Variants in UST observed in about 807,000 individuals in gnomAD.
UST encodes chondroitin sulfate 2-O-sulfotransferase.
In UST, 21 loss-of-function variants were observed where a neutral mutation model predicts 45.6. The observed-to-expected ratio is 0.46, with a 90% CI of 0.33 to 0.66. The LOEUF (loss-of-function observed/expected upper bound fraction) is 0.66. Among genes scored for constraint, UST ranks in the 30% least tolerant of loss-of-function variants. The pLI, the probability that UST is intolerant of heterozygous loss-of-function variation, is 0.02. For missense variants in UST, 463 were observed against 512.4 expected (o/e 0.90, Z 0.93); for synonymous variants, 215 against 200.6 (o/e 1.07, Z -0.61).
intron 1 of UST, among the ~76,000 whole-genome samples, chr6:148,784,049 G>A (rs183951132): frequency 6.6e-6 from 1 of 151,890 alleles, no homozygotes; most frequent in Admixed American, 6.6e-5. Flanking sequence ...TGTAATTTAC[G>A]GCATATCACG....
At chr6:148,878,279 C>T (rs1408481471) in intron 1 of UST, among the ~76,000 whole-genome samples, 2 of 32,188 alleles carry the variant, frequency 6.2e-5, no homozygotes, top group African/African-American at 1.4e-4. Flanking sequence ...TGTATGAGTA[C>T]GGGGGATCAT....
At chr6:148,844,370 A>G (rs539348333) in intron 1 of UST, among the ~76,000 whole-genome samples, 1 of 152,212 alleles carries the variant, frequency 6.6e-6, no homozygotes, top group African/African-American at 2.4e-5. Flanking sequence ...TCAAAGATGC[A>G]GTAGGAACCC....
At chr6:148,895,100 G>A (rs950130067) in intron 2 of UST, among the ~76,000 whole-genome samples, 17 of 152,210 alleles carry the variant, frequency 1.1e-4, no homozygotes, top group African/African-American at 3.9e-4. Flanking sequence ...ACAGGCATGA[G>A]CCACTGCGCC....
intron 2 of UST, 59 bp from the exon 3 acceptor site, chr6:148,941,220 A>G: frequency 6.3e-7 from 1 of 1,585,822 alleles, no homozygotes; most frequent in African/African-American, 1.4e-5. Flanking sequence ...AATTGAGGGA[A>G]GAATCCTAAG....
intron 4 of UST, among the ~76,000 whole-genome samples, chr6:148,958,183 G>A (rs942477656): frequency 2.7e-5 from 4 of 150,588 alleles, no homozygotes; most frequent in African/African-American, 5.0e-5. Flanking sequence ...GACCTACTTC[G>A]TTTTTTTTCA....
In UST at chr6:149,074,271, G is replaced by C; in HGVS notation, c.*155G>C. ...GGGTCATTGGGAGATGCCCGGTTTT[G>C]CGGGTTTTATTTGTTTAATTTTATT... On this transcript the variant is annotated 3_prime_UTR_variant, in exon 8 of 8. Transcript: ENST00000367463. 3 of 822,488 alleles carry C rather than the reference G, an allele frequency of 3.6e-6. No homozygotes were observed. The highest frequency in any genetic ancestry group is 5.6e-6 in the Non-Finnish European group (3 of 538,476). The allele number at this position is 822,488 out of a possible 1,614,324, so 50.9% of individuals were successfully genotyped here.
At chr6:148,956,767 C>G (rs1331959919) in intron 4 of UST, among the ~76,000 whole-genome samples, 1 of 152,200 alleles carries the variant, frequency 6.6e-6, no homozygotes, top group Admixed American at 6.5e-5. Context: ...ATTACCTTCT[C>G]TCTTCTATAC....
At chr6:148,864,801 T>C (rs1337245201) in intron 1 of UST, among the ~76,000 whole-genome samples, 1 of 152,228 alleles carries the variant, frequency 6.6e-6, no homozygotes, top group Non-Finnish European at 1.5e-5. Context: ...AATAGTTTGG[T>C]CTAGTGTCCA....
chr6:148,860,144 ATTTG>A (rs1778282391), intron 1 of UST, among the ~76,000 whole-genome samples: 1 of 152,158 alleles, frequency 6.6e-6, no homozygotes, highest in Admixed American at 6.5e-5. Flanking sequence ...ATGTTCTTCC[ATTTG>A]TTTGTGTCCT....
At chr6:148,865,607 C>CA in intron 1 of UST, among the ~76,000 whole-genome samples, 1 of 151,098 alleles carries the variant, frequency 6.6e-6, no homozygotes, top group East Asian at 1.9e-4. Flanking sequence ...AAACATACAG[C>CA]AATCAAATGT....
chr6:149,071,747 A>G (rs532135884), intron 7 of UST, among the ~76,000 whole-genome samples: 19 of 152,342 alleles, frequency 1.2e-4, no homozygotes, highest in Non-Finnish European at 2.1e-4. Context: ...GATTATCTAA[A>G]ATATGTAAAT....
rs143743808 is a variant in UST at position 148,762,207 on chromosome 6, A to G, written c.247+14530A>G. On this transcript the variant is annotated intron_variant, in intron 1 of 7. Coordinates refer to ENST00000367463, the MANE Select transcript of UST (RefSeq NM_005715.3). ...ACAGGAAATATTTGTTAAGATCCAT[A>G]ACCTCTGGCTTTTGTCTCCTCTTTT... is the stretch of plus-strand genomic sequence containing the variant. Among the ~76,000 whole-genome samples, 621 of 152,314 alleles carry G rather than the reference A, an allele frequency of 4.1e-3. 7 individuals are homozygous for G. The highest frequency in any genetic ancestry group is 0.014 in the African/African-American group (596 of 41,558).
chr6:148,985,548 A>AATTCTCTAATAT (rs1781223657), intron 5 of UST, among the ~76,000 whole-genome samples: 2 of 152,182 alleles, frequency 1.3e-5, no homozygotes, highest in African/African-American at 4.8e-5. Context: ...AGAAAACGTA[A>AATTCTCTAATAT]CCATTAGATT....
chr6:149,002,517 T>A (rs982608846), intron 5 of UST, among the ~76,000 whole-genome samples: 3 of 152,178 alleles, frequency 2.0e-5, no homozygotes, highest in African/African-American at 7.2e-5. Flanking sequence ...TTTATTTATT[T>A]ATTTTTTGAG....
rs189024179 is a variant in UST at position 148,769,329 on chromosome 6, C to G, written c.247+21652C>G. Among the ~76,000 whole-genome samples, 38 of 152,384 alleles carry G rather than the reference C, an allele frequency of 2.5e-4. 2 individuals are homozygous for G. Among genetic ancestry groups the G allele is most frequent in the Non-Finnish European group, 4.7e-4 (32 of 68,044 alleles). ...GGCACCACAGACATTTAAAGGCCAACAAGATGGACCAGTAGAGGTATATTT... is the reference window on the plus strand; with the variant it reads ...GGCACCACAGACATTTAAAGGCCAAGAAGATGGACCAGTAGAGGTATATTT... On this transcript the variant is annotated intron_variant, in intron 1 of 7. Transcript: ENST00000367463.
At chr6:148,778,955 G>T (rs991985687) in intron 1 of UST, among the ~76,000 whole-genome samples, 10 of 152,056 alleles carry the variant, frequency 6.6e-5, no homozygotes, top group Admixed American at 3.9e-4. Flanking sequence ...CCTCATGGTG[G>T]TCACAGCAGC....
intron 1 of UST, among the ~76,000 whole-genome samples, chr6:148,758,582 T>C (rs748795036): frequency 6.6e-6 from 1 of 152,188 alleles, no homozygotes. Context: ...ATGACGAAAC[T>C]ACCACGTCCA....
chr6:149,028,921 A>G (rs545591747), intron 7 of UST, among the ~76,000 whole-genome samples: 74 of 152,328 alleles, frequency 4.9e-4, no homozygotes, highest in African/African-American at 1.7e-3. Context: ...TTTAAGTAAG[A>G]TTCCTAAGAT....
chr6:149,029,789 A>G (rs1027259775), intron 7 of UST, among the ~76,000 whole-genome samples: 2 of 151,356 alleles, frequency 1.3e-5, no homozygotes, highest in African/African-American at 4.9e-5. Context: ...TTCATTTACC[A>G]TCGATATTCT....
Sources: allele counts gnomAD v4.1 joint callset (sites outside exome capture counted in the v4.1 genomes callset), GRCh38; gene constraint gnomAD v4.1.1; transcripts MANE v1.5; gene names NCBI Gene and HGNC (gene_info 2026-07-23, HGNC 2026-07-21).